The following ELAVL4 variants were observed in gnomAD, a reference collection of about 807,000 sequenced individuals.
ELAVL4 encodes ELAV-like protein 4.
ELAVL4 carries 1 observed loss-of-function variant against 35.6 expected under a neutral mutation model. The observed-to-expected ratio is 0.03, with a 90% CI of 0.01 to 0.13. The LOEUF (loss-of-function observed/expected upper bound fraction) is 0.13, where lower values mean the gene tolerates loss of function less well. ELAVL4 is among the 10% of genes least tolerant of loss of function. The pLI is 1.00. For missense variants in ELAVL4, 267 were observed against 464.9 expected, an observed-to-expected ratio of 0.57 and a Z score of 3.91; for synonymous variants, 156 against 171.0, an observed-to-expected ratio of 0.91 and a Z score of 0.69.
At chr1:50,135,481 G>T (rs1435671391) in intron 1 of ELAVL4, among the ~76,000 whole-genome samples, 1 of 152,102 alleles carries the variant, frequency 6.6e-6, no homozygotes, top group Non-Finnish European at 1.5e-5. Context: ...TGATTTTAAT[G>T]AATTATTTGT....
At chr1:50,103,734 G>A (rs1395966690), upstream of ELAVL4, among the ~76,000 whole-genome samples, 2 of 152,194 alleles carry the variant, frequency 1.3e-5, no homozygotes, top group African/African-American at 2.4e-5. Context: ...CAGTGAAGAA[G>A]GGCCAGCAAT....
Position 50,136,926 on chromosome 1 carries a change from C to T in ELAVL4, c.10-8031C>T, listed in dbSNP as rs1037196406. 4.5e-4 allele frequency among the ~76,000 whole-genome samples: 68 copies of T among 152,288 alleles called. 1 individual carries two copies. The highest frequency in any genetic ancestry group is 1.5e-3 in the African/African-American group (64 of 41,562). ...TGAATGTCAGTACTGAGTTCTGTAT[C>T]AGGTCAGATTCCTGTAATGTAAAGT... On this transcript the variant is annotated intron_variant, in intron 1 of 6. Coordinates refer to ENST00000371824, the MANE Select transcript of ELAVL4 (RefSeq NM_001144774.3).
intron 1 of ELAVL4, among the ~76,000 whole-genome samples, chr1:50,059,043 C>T (rs1572103693): frequency 6.6e-6 from 1 of 152,098 alleles, no homozygotes; most frequent in African/African-American, 2.4e-5. Context: ...TTCCTTACTG[C>T]CTGCATTAAA....
chr1:50,166,152 T>C (rs1233113600), intron 2 of ELAVL4, among the ~76,000 whole-genome samples: 1 of 152,026 alleles, frequency 6.6e-6, no homozygotes, highest in Non-Finnish European at 1.5e-5. Flanking sequence ...ACGCCCAGGA[T>C]CAATACTTTG....
chr1:50,056,242 C>A (rs1663662704), intron 1 of ELAVL4, among the ~76,000 whole-genome samples: 1 of 152,184 alleles, frequency 6.6e-6, no homozygotes, highest in African/African-American at 2.4e-5. Flanking sequence ...ATATAAGTCA[C>A]ACCCCAAGTT....
intron 1 of ELAVL4, among the ~76,000 whole-genome samples, chr1:50,062,646 T>C (rs1557681770): frequency 1.3e-5 from 2 of 152,102 alleles, no homozygotes; most frequent in East Asian, 1.9e-4. Flanking sequence ...GCCTGTAAGA[T>C]GTGAATAGAA....
chr1:50,193,681 G>T, intron 3 of ELAVL4, 84 bp from the exon 4 acceptor site: 2 of 1,469,994 alleles, frequency 1.4e-6, no homozygotes, highest in Non-Finnish European at 1.8e-6. Flanking sequence ...GGTAGATGAG[G>T]GGCTGTCATC....
At chr1:50,110,621 TG>T (rs1232478704) in intron 1 of ELAVL4, among the ~76,000 whole-genome samples, 1 of 152,180 alleles carries the variant, frequency 6.6e-6, no homozygotes, top group African/African-American at 2.4e-5. Context: ...ACTTTGACTT[TG>T]AATTTTCACC....
intron 1 of ELAVL4, among the ~76,000 whole-genome samples, chr1:50,142,172 C>T (rs1672929339): frequency 6.6e-6 from 1 of 152,174 alleles, no homozygotes; most frequent in Non-Finnish European, 1.5e-5. Context: ...TCAGATCACA[C>T]AGCTAATAAG....
intron 1 of ELAVL4, among the ~76,000 whole-genome samples, chr1:50,118,863 T>C (rs1191845030): frequency 6.6e-6 from 1 of 150,446 alleles, no homozygotes; most frequent in Non-Finnish European, 1.5e-5. Context: ...TTCTTCAATG[T>C]AATCCTTAAA....
intron 1 of ELAVL4, among the ~76,000 whole-genome samples, chr1:50,119,040 G>GAAAGAAAGAA (rs1668519255): frequency 2.2e-5 from 1 of 46,336 alleles, no homozygotes; most frequent in Non-Finnish European, 4.7e-5. Flanking sequence ...GAAAGAAAAA[G>GAAAGAAAGAA]AAAGAAAGAA....
chr1:50,061,769 T>C (rs1275308694), intron 1 of ELAVL4, among the ~76,000 whole-genome samples: 1 of 152,212 alleles, frequency 6.6e-6, no homozygotes, highest in East Asian at 1.9e-4. Flanking sequence ...GGAACTCCCC[T>C]AATGGGTAAT....
intron 1 of ELAVL4, among the ~76,000 whole-genome samples, chr1:50,076,771 T>C (rs779480135): frequency 2.0e-5 from 3 of 151,792 alleles, no homozygotes; most frequent in Non-Finnish European, 4.4e-5. Flanking sequence ...GGAGGGGAAA[T>C]ATTTGACGAT....
intron 1 of ELAVL4, among the ~76,000 whole-genome samples, chr1:50,076,585 G>A (rs1428556485): frequency 2.0e-5 from 3 of 152,162 alleles, no homozygotes; most frequent in African/African-American, 7.2e-5. Flanking sequence ...GGGAACTACT[G>A]TAGTGTGAGC....
At chr1:50,101,206 C>T (rs1346533921), upstream of ELAVL4, among the ~76,000 whole-genome samples, 5 of 152,140 alleles carry the variant, frequency 3.3e-5, no homozygotes, top group Non-Finnish European at 7.4e-5. Context: ...CTCAGCACTA[C>T]TTGGAAATAA....
intron 2 of ELAVL4, among the ~76,000 whole-genome samples, chr1:50,168,527 T>G (rs948837904): frequency 6.6e-6 from 1 of 152,204 alleles, no homozygotes; most frequent in African/African-American, 2.4e-5. Context: ...TATCTGCTTC[T>G]GAAGCTGGGA....
chr1:50,097,586 C>T (rs1665773648), intron 1 of ELAVL4, among the ~76,000 whole-genome samples: 1 of 152,168 alleles, frequency 6.6e-6, no homozygotes, highest in African/African-American at 2.4e-5. Context: ...TGTCTCCTGG[C>T]TCTTCCTTTA....
chr1:50,200,869 T>C lies in ELAVL4; in HGVS notation c.792T>C (p.Ile264=), dbSNP rs752580520. Residue 264 remains isoleucine, a synonymous_variant, in exon 7 of 7, where the codon ATT becomes ATC. Transcript: ENST00000371824. ...YGVKRFSPIT[I]DGMTSLVGMN... ...CCCCCAGGTTCTCCCCAATTACCATTGATGGAATGACAAGCCTTGTGGGAA... is the reference window on the plus strand; with the variant it reads ...CCCCCAGGTTCTCCCCAATTACCATCGATGGAATGACAAGCCTTGTGGGAA... The C allele has an allele frequency of 3.1e-6, 5 of 1,613,722 alleles. No individual in the cohort carries two copies. The Admixed American group carries it at 6.7e-5, about 22-fold the overall frequency.
At chr1:50,140,784 A>G (rs1456140127) in intron 1 of ELAVL4, among the ~76,000 whole-genome samples, 1 of 152,192 alleles carries the variant, frequency 6.6e-6, no homozygotes, top group Non-Finnish European at 1.5e-5. Context: ...TGGATACACA[A>G]AAGAATAACT....
Sources: allele counts gnomAD v4.1 joint callset (sites outside exome capture counted in the v4.1 genomes callset), GRCh38; gene constraint gnomAD v4.1.1; transcripts MANE v1.5; gene names NCBI Gene and HGNC (gene_info 2026-07-23, HGNC 2026-07-21).